The following FAM131B variants were observed in gnomAD, a reference collection of about 807,000 sequenced individuals.
The protein encoded by FAM131B is protein FAM131B.
In FAM131B, 19 loss-of-function variants were observed where a neutral mutation model predicts 42.0. The observed-to-expected ratio is 0.45, with a 90% CI of 0.32 to 0.66. The LOEUF is 0.66. Among genes scored for constraint, FAM131B ranks in the 30% least tolerant of loss-of-function variants. The pLI is 0.05. For missense variants in FAM131B, 370 were observed against 468.4 expected, an observed-to-expected ratio of 0.79 and a Z score of 1.94; for synonymous variants, 183 against 177.6, an observed-to-expected ratio of 1.03 and a Z score of -0.24.
the FAM131B span, chr7:143,381,534 C>T: frequency 6.3e-7 from 1 of 1,591,884 alleles, no homozygotes; most frequent in African/African-American, 1.3e-5. Context: ...CTCCGCGCTG[C>T]GTAACCCGGC....
In FAM131B at chr7:143,360,403, A is replaced by T. The variant is rs116007940; in HGVS notation, c.29-254T>A. 2,907 of 1,348,844 alleles carry T rather than the reference A, an allele frequency of 2.2e-3. 47 individuals carry two copies. The African/African-American group carries it at 0.039, about 18-fold the overall frequency. The allele number at this position is 1,348,844 out of a possible 1,614,324, so 83.6% of individuals were successfully genotyped here. On this transcript the variant is annotated intron_variant, in intron 1 of 6. Coordinates refer to ENST00000443739, the MANE Select transcript of FAM131B (RefSeq NM_001031690.3). ...GTTGTTGTTTATGTGGAGGGGTCAG[A>T]GGTTGGGTTTTATCAGAAAACCAAT...
At chr7:143,372,225 A>G in the FAM131B span, among the ~76,000 whole-genome samples, 1 of 152,226 alleles carries the variant, frequency 6.6e-6, no homozygotes, top group Admixed American at 6.5e-5. Flanking sequence ...AGTGCCACCC[A>G]GCTGTGTGGG....
In FAM131B at chr7:143,359,765, T is replaced by C; in HGVS notation, c.141A>G (p.Gln47=). Residue 47 remains glutamine (Q), a splice_region_variant and synonymous_variant, in exon 3 of 7, where the codon CAA becomes CAG. Transcript: ENST00000443739. The surrounding 1 kb of genome is among the most constrained non-coding windows in gnomAD (Gnocchi z 5.4). ...GSSLHRPSTE[Q]TRTDFSWDGI... ...CGTCCCAGGAGAAATCAGTTCGAGT[T>C]TGCTGTGAGGAGAGAGGAAAGGGAA... The C allele has an allele frequency of 1.3e-6, 2 of 1,567,748 alleles. No homozygotes were observed. Among genetic ancestry groups the C allele is most frequent in the Non-Finnish European group, 1.7e-6 (2 of 1,155,910 alleles).
At chr7:143,380,373 C>G in the FAM131B span, 4 of 984,952 alleles carry the variant, frequency 4.1e-6, no homozygotes, top group Non-Finnish European at 3.6e-6. The surrounding 1 kb of genome is among the most constrained non-coding windows in gnomAD (Gnocchi z 5.0). Context: ...CCCAAGAGCT[C>G]CACCGTCGCC....
chr7:143,381,373 G>C, the FAM131B span: 61 of 1,170,052 alleles, frequency 5.2e-5, no homozygotes, highest in Non-Finnish European at 6.3e-5. Context: ...GCGCCGAGGC[G>C]GCCACCCGAG....
chr7:143,370,200 C>T, the FAM131B span, among the ~76,000 whole-genome samples: 1 of 152,166 alleles, frequency 6.6e-6, no homozygotes, highest in African/African-American at 2.4e-5. Flanking sequence ...GAATTTGCCC[C>T]TTGATCTTTC....
chr7:143,381,333 C>A, the FAM131B span: 1 of 1,136,962 alleles, frequency 8.8e-7, no homozygotes. Context: ...GGAGGCTGCT[C>A]CGGACCGGGA....
rs891143725 is a variant in FAM131B, at chr7:143,359,808, C to T, written c.139-41G>A. Reference sequence around the variant, plus strand: ...AAAGGGAATGGGCATCCCAGTCACTCGCAGGAATGCAAGGAAGCCCCCTTC... The same window carrying T: ...AAAGGGAATGGGCATCCCAGTCACTTGCAGGAATGCAAGGAAGCCCCCTTC... On this transcript the variant is annotated intron_variant, in intron 2 of 6. Transcript: ENST00000443739. The surrounding 1 kb of genome is among the most constrained non-coding windows in gnomAD (Gnocchi z 5.4). 7.1e-6 allele frequency: 11 copies of T among 1,543,574 alleles called. No homozygotes were observed. In the East Asian group the frequency reaches 7.3e-5, roughly 10 times the overall value.
chr7:143,381,228 T>C, the FAM131B span: 29 of 1,009,894 alleles, frequency 2.9e-5, no homozygotes, highest in Non-Finnish European at 3.4e-5. Flanking sequence ...CCGCCCCCTC[T>C]CCGGGCCGCT....
At chr7:143,360,917 G>C (rs532390130) in intron 1 of FAM131B, 1 of 152,314 alleles carries the variant, frequency 6.6e-6, no homozygotes, top group Non-Finnish European at 1.5e-5. Context: ...TGTTACAGCC[G>C]GGCCAGAGCT....
At chr7:143,376,261 A>AT in the FAM131B span, among the ~76,000 whole-genome samples, 2 of 151,710 alleles carry the variant, frequency 1.3e-5, no homozygotes, top group South Asian at 2.1e-4. Flanking sequence ...TGATTAGAAA[A>AT]TTTTTTTTTC....
chr7:143,356,577 A>C lies in FAM131B; in HGVS notation c.1056T>G (p.Asp352Glu). The C allele has an allele frequency of 6.2e-7, 1 of 1,613,660 alleles. No individual in the cohort carries two copies. Residue 352 changes from aspartate to glutamate, a missense_variant, in exon 7 of 7, where the codon GAT becomes GAG. By Grantham distance (45) the Asp-to-Glu change is conservative. Coordinates refer to ENST00000443739, the MANE Select transcript of FAM131B (RefSeq NM_001031690.3). The surrounding 1 kb of genome is among the most constrained non-coding windows in gnomAD (Gnocchi z 4.4). Reference protein sequence around the residue: ...DVTSSGVQSFDEEEGEANN With the variant: ...DVTSSGVQSFEEEEGEANN ...AGTTGTTGGCCTCGCCTTCCTCCTC[A>C]TCAAAGGACTGCACACCTGAGGATG...
chr7:143,377,163 G>A, the FAM131B span, among the ~76,000 whole-genome samples: 1 of 152,178 alleles, frequency 6.6e-6, no homozygotes, highest in Non-Finnish European at 1.5e-5. Context: ...CTCCATGTTG[G>A]CCATGCCTAG....
At chr7:143,381,497 G>A in the FAM131B span, 1 of 1,505,254 alleles carries the variant, frequency 6.6e-7, no homozygotes, top group Non-Finnish European at 8.9e-7. Context: ...AAGGGGAGCT[G>A]GGACCGCCTG....
the FAM131B span, among the ~76,000 whole-genome samples, chr7:143,373,354 C>T: frequency 6.6e-6 from 1 of 152,206 alleles, no homozygotes; most frequent in African/African-American, 2.4e-5. Context: ...TGCACTCCAG[C>T]CTGGGTGACA....
the FAM131B span, chr7:143,380,404 G>A: frequency 2.0e-6 from 2 of 985,454 alleles, no homozygotes; most frequent in Non-Finnish European, 2.4e-6. The surrounding 1 kb of genome is among the most constrained non-coding windows in gnomAD (Gnocchi z 5.0). Context: ...ACCAAGCGCA[G>A]TCTCAGAATG....
Position 143,358,783 on chromosome 7 carries a change from G to A in FAM131B, c.466+44C>T. 6.5e-7 allele frequency: 1 copy of A among 1,541,868 alleles called. No individual in the cohort carries two copies. Among genetic ancestry groups the A allele is most frequent in the Non-Finnish European group, 8.9e-7 (1 of 1,119,484 alleles). On this transcript the variant is annotated intron_variant, in intron 5 of 6. Coordinates refer to ENST00000443739, the MANE Select transcript of FAM131B (RefSeq NM_001031690.3). The surrounding 1 kb of genome is among the most constrained non-coding windows in gnomAD (Gnocchi z 4.7). ...GATCAGGTTGGAGGGTCGGTCCCTG[G>A]CCATCCTGCAAATGTGTCTCTTGAG...
chr7:143,353,623 T>TG lies in FAM131B; in HGVS notation c.*2926dup, dbSNP rs1300705969. The TG allele has an allele frequency of 6.6e-6, 1 of 152,538 alleles. No homozygotes were observed. Among genetic ancestry groups the TG allele is most frequent in the Non-Finnish European group, 1.5e-5 (1 of 68,042 alleles). The allele number at this position is 152,538 out of a possible 1,614,324, so 9.4% of individuals were successfully genotyped here. ...CATAGAATCTCTCTTGGGCCTGGCG[T>TG]GGGAATGTGACATTAAGAAAACATG... On this transcript the variant is annotated 3_prime_UTR_variant, in exon 7 of 7. Coordinates refer to ENST00000443739, the MANE Select transcript of FAM131B (RefSeq NM_001031690.3).
chr7:143,370,058 C>A, the FAM131B span, among the ~76,000 whole-genome samples: 1 of 152,178 alleles, frequency 6.6e-6, no homozygotes, highest in Admixed American at 6.5e-5. Context: ...TCCTTTCCAA[C>A]CTCTTTGTTC....
Sources: gnomAD v4.1 joint callset for allele counts (sites outside exome capture counted in the v4.1 genomes callset) on GRCh38, gnomAD v4.1.1 for gene constraint, Gnocchi (gnomAD v3.1) non-coding constraint, MANE v1.5 for transcripts, NCBI Gene and HGNC (gene_info 2026-07-23, HGNC 2026-07-21) for gene names.